The following FAM180A variants were observed in gnomAD, a reference collection of about 807,000 sequenced individuals.
FAM180A encodes the protein family with sequence similarity 180 member A.
FAM180A carries 14 observed loss-of-function variants against 15.3 expected under a neutral mutation model. That is an observed-to-expected ratio of 0.92 (90% CI 0.61 to 1.43). FAM180A has a LOEUF of 1.43. Ranked by LOEUF, FAM180A falls within the 40% of genes most tolerant of loss-of-function variation. FAM180A has a pLI of 0.00. For missense variants in FAM180A, 200 were observed against 220.8 expected, an observed-to-expected ratio of 0.91 and a Z score of 0.60; for synonymous variants, 90 against 96.8, an observed-to-expected ratio of 0.93 and a Z score of 0.41.
At chr7:135,740,903 C>T (rs943148307) in intron 1 of FAM180A, among the ~76,000 whole-genome samples, 6 of 151,818 alleles carry the variant, frequency 4.0e-5, no homozygotes, top group Admixed American at 2.0e-4. Flanking sequence ...TTCTTTAATT[C>T]TGCTAGAATT....
At position 135,748,768 on chromosome 7, in the gene FAM180A, G is replaced by A. The variant is rs774073878; in HGVS notation, c.-188C>T. The A allele has an allele frequency of 6.7e-6, 4 of 596,690 alleles. No individual in the cohort carries two copies. The highest frequency in any genetic ancestry group is 1.2e-5 in the Non-Finnish European group (4 of 335,050). The allele number at this position is 596,690 out of a possible 1,614,324, so 37.0% of individuals were successfully genotyped here. A position where few individuals can be genotyped will look rare whatever the true frequency, so the allele number is the denominator to read the frequency against. On this transcript the variant is annotated 5_prime_UTR_variant, in exon 1 of 4. Transcript: ENST00000338588. ...GAAGGCTGCGTCCTGGGTGGGACAG[G>A]AGTCGGTACCTCTCTTCATTTGACG...
intron 3 of FAM180A, among the ~76,000 whole-genome samples, chr7:135,730,514 G>A (rs1480639463): frequency 1.3e-5 from 2 of 152,262 alleles, no homozygotes; most frequent in African/African-American, 4.8e-5. Flanking sequence ...GACAGAGCGA[G>A]ACTGTCCCAA....
At chr7:135,741,509 CTGTCTCAA>C (rs1460793004) in intron 1 of FAM180A, among the ~76,000 whole-genome samples, 3 of 93,670 alleles carry the variant, frequency 3.2e-5, no homozygotes, top group African/African-American at 1.8e-4. Context: ...GACTGAGACT[CTGTCTCAA>C]AAAAAAAAAA....
intron 1 of FAM180A, among the ~76,000 whole-genome samples, chr7:135,742,149 C>T (rs1796959951): frequency 1.3e-5 from 2 of 152,276 alleles, no homozygotes; most frequent in South Asian, 4.1e-4. Flanking sequence ...AGTGGCTCGG[C>T]AGCCACCCAG....
intron 1 of FAM180A, among the ~76,000 whole-genome samples, chr7:135,745,398 C>T (rs113920288): frequency 7.4e-4 from 112 of 152,318 alleles, no homozygotes; most frequent in African/African-American, 2.5e-3. Flanking sequence ...AATTCTTTCT[C>T]AAGTCTGGCT....
At chr7:135,747,107 A>C (rs1435122008) in intron 1 of FAM180A, among the ~76,000 whole-genome samples, 1 of 152,172 alleles carries the variant, frequency 6.6e-6, no homozygotes, top group Non-Finnish European at 1.5e-5. Flanking sequence ...CTCAAAAATA[A>C]ATAAATAAGT....
At chr7:135,741,440 C>T (rs1199392382) in intron 1 of FAM180A, among the ~76,000 whole-genome samples, 3 of 150,464 alleles carry the variant, frequency 2.0e-5, no homozygotes, top group Non-Finnish European at 3.0e-5. Context: ...GGCGTGAACC[C>T]GGGAGGCGGA....
intron 2 of FAM180A, among the ~76,000 whole-genome samples, chr7:135,736,315 C>G (rs1349536719): frequency 1.3e-5 from 2 of 152,258 alleles, no homozygotes; most frequent in African/African-American, 4.8e-5. Context: ...GCCACCGCGC[C>G]CAGCCCCCAA....
chr7:135,740,065 C>T (rs1174707973), intron 1 of FAM180A, among the ~76,000 whole-genome samples: 1 of 152,182 alleles, frequency 6.6e-6, no homozygotes, highest in Non-Finnish European at 1.5e-5. Flanking sequence ...AGTTTATACT[C>T]TTTGCCAAAA....
intron 1 of FAM180A, among the ~76,000 whole-genome samples, chr7:135,742,825 T>C (rs1290708654): frequency 6.6e-6 from 1 of 152,194 alleles, no homozygotes; most frequent in African/African-American, 2.4e-5. Flanking sequence ...GTGAGGTAAA[T>C]ATGAACTTTC....
At chr7:135,742,264 A>G (rs557670555) in intron 1 of FAM180A, among the ~76,000 whole-genome samples, 1 of 152,332 alleles carries the variant, frequency 6.6e-6, no homozygotes, top group Admixed American at 6.5e-5. Flanking sequence ...CAATGTCAAA[A>G]TACAGAGGTA....
chr7:135,730,225 A>G lies in FAM180A; in HGVS notation c.*386T>C. ...ATTGGAGATAGCTGTGAGGATGCCA[A>G]CGATGGAGGAAACTTAGAAAGTTTT... On this transcript the variant is annotated 3_prime_UTR_variant, in exon 4 of 4. Transcript: ENST00000338588. The G allele has an allele frequency of 1.0e-6, 1 of 985,432 alleles. No homozygotes were observed. The allele number at this position is 985,432 out of a possible 1,614,324, so 61.0% of individuals were successfully genotyped here.
At position 135,739,680 on chromosome 7, in the gene FAM180A, TAAA is replaced by T. The variant is rs35701835; in HGVS notation, c.77-2484_77-2482del. On this transcript the variant is annotated intron_variant, in intron 1 of 3. Coordinates refer to ENST00000338588, the MANE Select transcript of FAM180A (RefSeq NM_205855.4). ...TAGAAGGATTGCCATCAGAAGTGAT[TAAA>T]AAAAAAAAAAAAGGAAACATCTTTA... Among the ~76,000 whole-genome samples the T allele has an allele frequency of 5.7e-5, 8 of 140,316 alleles. No homozygotes were observed. The East Asian group carries it at 1.3e-3, about 22-fold the overall frequency. 92.1% of individuals were successfully genotyped at this position (140,316 alleles called of 152,430 possible).
chr7:135,737,305 G>C, intron 1 of FAM180A, 106 bp from the exon 2 acceptor site: 1 of 851,092 alleles, frequency 1.2e-6, no homozygotes. Context: ...GGACTGACTT[G>C]GCCAGGCACG....
Position 135,734,072 on chromosome 7 carries a change from C to T in FAM180A, c.425G>A (p.Gly142Asp), listed in dbSNP as rs1453531550. The change falls in exon 3 of 4, where the codon GGC (glycine) becomes GAC (aspartate). Residue 142 changes from glycine (G) to aspartate (D), a missense_variant. Physicochemically the swap from Gly to Asp is moderately conservative, Grantham distance 94 (BLOSUM62 -1). Coordinates refer to ENST00000338588, the MANE Select transcript of FAM180A (RefSeq NM_205855.4). ...YTAYRTALSHGHQKDIWAQSL... is the reference protein window; with the variant it reads ...YTAYRTALSHDHQKDIWAQSL... ...CTGCGCCCAGATGTCCTTCTGATGGCCGTGGGACAGGGCTGTGCGGTAGGC... is the reference window on the plus strand; with the variant it reads ...CTGCGCCCAGATGTCCTTCTGATGGTCGTGGGACAGGGCTGTGCGGTAGGC... 6.2e-7 allele frequency: 1 copy of T among 1,614,210 alleles called. No individual in the cohort carries two copies. The highest frequency in any genetic ancestry group is 1.7e-5 in the Admixed American group (1 of 60,020).
Position 135,734,338 on chromosome 7 carries a change from GT to G in FAM180A, c.178-20del. The G allele has an allele frequency of 1.3e-6, 2 of 1,564,964 alleles. No individual in the cohort carries two copies. The highest frequency in any genetic ancestry group is 1.7e-6 in the Non-Finnish European group (2 of 1,154,090). On this transcript the variant is annotated intron_variant, in intron 2 of 3. Coordinates refer to ENST00000338588, the MANE Select transcript of FAM180A (RefSeq NM_205855.4). ...GCAGGAACTGGTGAGAAATGTGGAT[GT>G]GCAAAAATATGAAGTGAGGCATTGC...
At position 135,748,666 on chromosome 7, in the gene FAM180A, G is replaced by T; in HGVS notation, c.-86C>A. 2.0e-6 allele frequency: 2 copies of T among 986,622 alleles called. No individual in the cohort carries two copies. Among genetic ancestry groups the T allele is most frequent in the South Asian group, 1.3e-5 (1 of 76,622 alleles). The allele number at this position is 986,622 out of a possible 1,614,324, so 61.1% of individuals were successfully genotyped here. On this transcript the variant is annotated 5_prime_UTR_variant, in exon 1 of 4. Coordinates refer to ENST00000338588, the MANE Select transcript of FAM180A (RefSeq NM_205855.4). ...GTATGCCCGTGCCGTTCTTCCCAGT[G>T]AGATGATGGAGTGCTTCCCTCCCTT...
At position 135,729,788 on chromosome 7, in the gene FAM180A, C is replaced by A. The variant is rs1320074732; in HGVS notation, c.*823G>T. On this transcript the variant is annotated 3_prime_UTR_variant, in exon 4 of 4. Transcript: ENST00000338588. ...GCCAGATCCCGCTTGTATGAGGTAT[C>A]TTAAGTAGTCAGACTCTCAAAAACA... 2 of 974,724 alleles carry A rather than the reference C, an allele frequency of 2.1e-6. No individual in the cohort carries two copies. Among genetic ancestry groups the A allele is most frequent in the Non-Finnish European group, 2.4e-6 (2 of 822,538 alleles). 60.4% of individuals were successfully genotyped at this position (974,724 alleles called of 1,614,324 possible).
rs1457655162 is a variant in FAM180A, at chr7:135,748,653, C to T, written c.-73G>A. 4.3e-6 allele frequency: 5 copies of T among 1,169,836 alleles called. No individual in the cohort carries two copies. Among genetic ancestry groups the T allele is most frequent in the Non-Finnish European group, 6.4e-6 (5 of 777,742 alleles). The allele number at this position is 1,169,836 out of a possible 1,614,324, so 72.5% of individuals were successfully genotyped here. On this transcript the variant is annotated 5_prime_UTR_variant, in exon 1 of 4. Transcript: ENST00000338588. ...CCAGTAGCTGCAGGTATGCCCGTGC[C>T]GTTCTTCCCAGTGAGATGATGGAGT...
Sources: gnomAD v4.1 joint callset for allele counts (sites outside exome capture counted in the v4.1 genomes callset) on GRCh38, gnomAD v4.1.1 for gene constraint, MANE v1.5 for transcripts, NCBI Gene and HGNC (gene_info 2026-07-23, HGNC 2026-07-21) for gene names.